TPR: variants seen among roughly 807,000 people sequenced by gnomAD.
TPR encodes nucleoprotein TPR.
Under a neutral mutation model 316.1 loss-of-function variants are expected in TPR, and 51 were observed. The ratio of observed to expected loss-of-function variants is 0.16; its 90% confidence interval spans 0.13 to 0.20. The LOEUF is 0.20. Ranked by LOEUF, TPR falls within the 10% of genes least tolerant of loss-of-function variation. The pLI is 1.00. For synonymous variants in TPR, 981 were observed against 914.7 expected (o/e 1.07, Z -1.31); for missense variants, 2,272 against 2,754.8 (o/e 0.82, Z 3.92).
chr1:186,329,968 C>T (rs1225804493), intron 39 of TPR, among the ~76,000 whole-genome samples: 1 of 152,062 alleles, frequency 6.6e-6, no homozygotes, highest in East Asian at 1.9e-4. Flanking sequence ...CTTCGGTACA[C>T]TACTTTATCT....
At chr1:186,331,924 G>GA (rs1184103959) in intron 38 of TPR, among the ~76,000 whole-genome samples, 1 of 152,054 alleles carries the variant, frequency 6.6e-6, no homozygotes, top group African/African-American at 2.4e-5. Flanking sequence ...ATGAGACTTA[G>GA]AAACTTCGAG....
At position 186,335,064 on chromosome 1, in the gene TPR, TCA is replaced by T; in HGVS notation, c.4973+2_4973+3del. Reference sequence around the variant, plus strand: ...TAACAGACTATGAAATAACTAAAACTCACATTCCTCTTTCACCAGAAGCTGGA... The same window carrying T: ...TAACAGACTATGAAATAACTAAAACTCATTCCTCTTTCACCAGAAGCTGGA... On this transcript the variant is annotated splice_donor_variant and splice_donor_region_variant and intron_variant, in intron 35 of 50. Coordinates refer to ENST00000367478, the MANE Select transcript of TPR (RefSeq NM_003292.3). LOFTEE classifies it high-confidence loss of function. 1 of 1,612,232 alleles carries T rather than the reference TCA, an allele frequency of 6.2e-7. No individual in the cohort carries two copies. Among genetic ancestry groups the T allele is most frequent in the Non-Finnish European group, 8.5e-7 (1 of 1,179,212 alleles).
chr1:186,350,135 G>T, intron 21 of TPR, 88 bp downstream of exon 21: 3 of 1,220,102 alleles, frequency 2.5e-6, no homozygotes, highest in Non-Finnish European at 2.2e-6. Context: ...CATTCACAAA[G>T]AATTAGGCTA....
chr1:186,351,526 T>C, intron 19 of TPR, 56 bp from the exon 20 acceptor site: 1 of 1,492,270 alleles, frequency 6.7e-7, no homozygotes, highest in South Asian at 1.5e-5. Context: ...TACAAAAAAA[T>C]AAAAATTGAA....
chr1:186,356,206 G>T (rs1043136151), intron 15 of TPR, 80 bp downstream of exon 15: 30 of 1,248,976 alleles, frequency 2.4e-5, no homozygotes, highest in Middle Eastern at 2.3e-4. Flanking sequence ...TCATTAGAGT[G>T]GCTATTGCTT....
chr1:186,367,284 C>T (rs796390192), intron 4 of TPR, among the ~76,000 whole-genome samples: 1 of 152,140 alleles, frequency 6.6e-6, no homozygotes, highest in African/African-American at 2.4e-5. Flanking sequence ...CCAGGCTGCT[C>T]TTGGACTCCT....
In TPR at chr1:186,355,518, T is replaced by C. The variant is rs1659001493; in HGVS notation, c.2063A>G (p.Glu688Gly). ...IFENYKKEKA[E>G]NEKIQNEQLE... is the part of the protein sequence containing the mutation. The stretch of plus-strand genomic sequence containing the variant: ...CTGCTCATTTTGTATTTTTTCATTT[T>C]CTGCTTTTTCTTTTTTGTAGTTCTC... The change falls in exon 17 of 51, where the codon GAA becomes GGA. Residue 688 changes from glutamate to glycine, a missense_variant. Glu to Gly is a moderately conservative substitution (Grantham distance 98, BLOSUM62 -2). Transcript: ENST00000367478. 1.2e-6 allele frequency: 2 copies of C among 1,612,730 alleles called. No individual in the cohort carries two copies. Among genetic ancestry groups the C allele is most frequent in the Non-Finnish European group, 1.7e-6 (2 of 1,179,794 alleles).
Position 186,312,811 on chromosome 1 carries a change from G to A in TPR, c.*1160C>T. 3 of 1,612,198 alleles carry A rather than the reference G, an allele frequency of 1.9e-6. No individual in the cohort carries two copies. The highest frequency in any genetic ancestry group is 2.5e-6 in the Non-Finnish European group (3 of 1,178,308). Reference sequence around the variant, plus strand: ...GTTAAAGTGAGTATACTGTGGAGAGGACTTCCAAATGTGGTTACCTCAGCT... The same window carrying A: ...GTTAAAGTGAGTATACTGTGGAGAGAACTTCCAAATGTGGTTACCTCAGCT... On this transcript the variant is annotated 3_prime_UTR_variant, in exon 51 of 51. Coordinates refer to ENST00000367478, the MANE Select transcript of TPR (RefSeq NM_003292.3).
At position 186,334,379 on chromosome 1, in the gene TPR, T is replaced by A. The variant is rs1658276648; in HGVS notation, c.5128A>T (p.Thr1710Ser). The A allele has an allele frequency of 1.2e-6, 2 of 1,613,368 alleles. No individual in the cohort carries two copies. Among genetic ancestry groups the A allele is most frequent in the Admixed American group, 1.7e-5 (1 of 59,888 alleles). Residue 1710 changes from threonine (T) to serine (S), a missense_variant, in exon 36 of 51, where the codon ACT becomes TCT. This residue lies in a region of TPR where 109 missense variants were observed against 215.3 expected (regional missense o/e 0.51). Transcript: ENST00000367478. Reference protein sequence around the residue: ...MVTPATVTNPTTTPTATVMPT... With the variant: ...MVTPATVTNPSTTPTATVMPT... ...ATCACTGTAGCTGTTGGGGTAGTAG[T>A]GGGATTTGTAACAGTTGCAGGTGTA...
intron 9 of TPR, 25 bp downstream of exon 9, chr1:186,361,597 T>A: frequency 6.2e-7 from 1 of 1,603,178 alleles, no homozygotes; most frequent in East Asian, 2.2e-5. Context: ...ACAAAAATAA[T>A]GTTCCCATAA....
rs772862823 is a variant in TPR at position 186,346,157 on chromosome 1, G to A, written c.3074C>T (p.Ala1025Val). The change falls in exon 23 of 51, where the codon GCC (alanine) becomes GTC (valine). Residue 1025 changes from alanine to valine, a missense_variant. Coordinates refer to ENST00000367478, the MANE Select transcript of TPR (RefSeq NM_003292.3). Reference sequence around the variant, plus strand: ...TACCTGTTGTTCCATGCTCTCTATGGCTCTTCTTTTATCATCCTGAAGTTC... The same window carrying A: ...TACCTGTTGTTCCATGCTCTCTATGACTCTTCTTTTATCATCCTGAAGTTC... ...KQELQDDKRR[A>V]IESMEQQLSE... The A allele has an allele frequency of 6.2e-7, 1 of 1,612,122 alleles. No individual in the cohort carries two copies. Among genetic ancestry groups the A allele is most frequent in the South Asian group, 1.1e-5 (1 of 90,904 alleles).
chr1:186,330,090 A>G (rs556569052), intron 39 of TPR, among the ~76,000 whole-genome samples: 1 of 152,130 alleles, frequency 6.6e-6, no homozygotes, highest in Non-Finnish European at 1.5e-5. Flanking sequence ...TTAAATATTG[A>G]TATTTAATTA....
chr1:186,342,038 C>CGGCTCACT (rs1171350631), intron 27 of TPR: 3 of 150,586 alleles, frequency 2.0e-5, no homozygotes, highest in Non-Finnish European at 4.4e-5. Flanking sequence ...GGTGTGATCT[C>CGGCTCACT]GGCTCACTGC....
chr1:186,344,852 C>A (rs901333891), intron 24 of TPR, among the ~76,000 whole-genome samples: 2 of 152,044 alleles, frequency 1.3e-5, no homozygotes, highest in Non-Finnish European at 2.9e-5. Context: ...ATTATAGATC[C>A]ATTGATTTTA....
At chr1:186,336,836 CAACT>C (rs1252939387) in intron 32 of TPR, 142 bp from the exon 33 acceptor site, 2 of 1,302,674 alleles carry the variant, frequency 1.5e-6, no homozygotes, top group African/African-American at 3.0e-5. Flanking sequence ...GTGGTCAGAC[CAACT>C]AAATGCACAC....
intron 17 of TPR, 184 bp from the exon 18 acceptor site, chr1:186,354,034 G>A: frequency 2.1e-6 from 1 of 479,354 alleles, no homozygotes; most frequent in Non-Finnish European, 3.6e-6. Flanking sequence ...TCCAGGAACA[G>A]TTTTTATATT....
chr1:186,361,713 A>C lies in TPR; in HGVS notation c.871-4T>G, dbSNP rs768994644. The C allele has an allele frequency of 2.5e-6, 4 of 1,613,360 alleles. No homozygotes were observed. The highest frequency in any genetic ancestry group is 2.7e-5 in the African/African-American group (2 of 75,016). On this transcript the variant is annotated splice_polypyrimidine_tract_variant and splice_region_variant and intron_variant, in intron 8 of 50. Transcript: ENST00000367478. The stretch of plus-strand genomic sequence containing the variant: ...CTTCTGAGTCATCAGCGGCACTCTA[A>C]AAGTTAATCTTAAAAAGTTACCTAA...
chr1:186,325,628 C>A (rs1657901799), intron 42 of TPR, 136 bp downstream of exon 42: 1 of 651,862 alleles, frequency 1.5e-6, no homozygotes, highest in Non-Finnish European at 2.5e-6. Context: ...GAGAGCACAA[C>A]AGTCACAAAG....
chr1:186,336,375 C>A (rs1027950951), intron 33 of TPR, 121 bp downstream of exon 33: 1 of 865,048 alleles, frequency 1.2e-6, no homozygotes, highest in Non-Finnish European at 1.8e-6. Context: ...ATTTAAAGCA[C>A]ACATACACAC....
Sources: gnomAD v4.1 joint callset for allele counts (sites outside exome capture counted in the v4.1 genomes callset) on GRCh38, gnomAD v4.1.1 for gene constraint, gnomAD v4.1.1 regional missense constraint, MANE v1.5 for transcripts, NCBI Gene and HGNC (gene_info 2026-07-23, HGNC 2026-07-21) for gene names.